Variants in SEMA4D observed in about 807,000 individuals in gnomAD.
SEMA4D encodes semaphorin 4D, also known as semaphorin-4D.
A neutral mutation model predicts 74.8 loss-of-function variants in SEMA4D; 22 were observed. The ratio of observed to expected loss-of-function variants is 0.29; its 90% CI spans 0.21 to 0.42. The LOEUF is 0.42. Ranked by LOEUF, SEMA4D falls within the 10% of genes least tolerant of loss-of-function variation. The pLI, the probability that SEMA4D is intolerant of heterozygous loss-of-function variation, is 1.00. For synonymous variants in SEMA4D, 445 were observed against 463.7 expected (o/e 0.96, Z 0.52); for missense variants, 937 against 1,118.4 (o/e 0.84, Z 2.31).
chr9:89,396,993 C>T (rs1841115308), intron 5 of SEMA4D, among the ~76,000 whole-genome samples, 158 bp from the exon 6 acceptor site: 1 of 152,242 alleles, frequency 6.6e-6, no homozygotes, highest in Non-Finnish European at 1.5e-5. Context: ...GCATTCTCAG[C>T]CTTGTCTTGT....
At chr9:89,456,383 A>G (rs969584290) in intron 1 of SEMA4D, among the ~76,000 whole-genome samples, 14 of 152,390 alleles carry the variant, frequency 9.2e-5, no homozygotes, top group African/African-American at 3.1e-4. Context: ...GTCAAGAAGG[A>G]CACTGTAGTA....
chr9:89,462,674 G>A (rs925482523), intron 1 of SEMA4D, among the ~76,000 whole-genome samples: 2 of 152,002 alleles, frequency 1.3e-5, no homozygotes, highest in African/African-American at 4.8e-5. Context: ...GCCAGATGCA[G>A]GGGCTCGTGC....
chr9:89,460,491 G>C (rs547645275), intron 1 of SEMA4D, among the ~76,000 whole-genome samples: 4 of 152,332 alleles, frequency 2.6e-5, no homozygotes, highest in African/African-American at 9.6e-5. Flanking sequence ...ACTGCTTACT[G>C]ATTACAAACA....
rs147239819 is a variant in SEMA4D, at chr9:89,452,496, G to A, written c.-244+3392C>T. On this transcript the variant is annotated intron_variant, in intron 2 of 15. Coordinates refer to ENST00000422704, the MANE Select transcript of SEMA4D (RefSeq NM_001371194.2). ...CCCAGCCTTTTCACTCTGTCGCCTA[G>A]GCTGGAGTGCAATGGTGCGATCTCA... is the stretch of plus-strand genomic sequence containing the variant. 4.5e-3 allele frequency among the ~76,000 whole-genome samples: 690 copies of A among 152,150 alleles called. 8 individuals are homozygous for A. Among genetic ancestry groups the A allele is most frequent in the Non-Finnish European group, 7.7e-3 (524 of 67,974 alleles).
Position 89,492,572 on chromosome 9 carries a change from C to A in SEMA4D, c.-310+5347G>T, listed in dbSNP as rs906545262. Among the ~76,000 whole-genome samples the A allele has an allele frequency of 1.3e-5, 2 of 152,144 alleles. No homozygotes were observed. Among genetic ancestry groups the A allele is most frequent in the Non-Finnish European group, 2.9e-5 (2 of 68,024 alleles). ...ACTCTCACCTGTACTATCTTGAGAG[C>A]CACACCATCCCTCTGAATCCTCACA... On this transcript the variant is annotated intron_variant, in intron 1 of 15. Coordinates refer to ENST00000422704, the MANE Select transcript of SEMA4D (RefSeq NM_001371194.2). This position sits in a 1 kb window ranked among gnomAD's most constrained non-coding sequence, Gnocchi z 4.3.
intron 6 of SEMA4D, among the ~76,000 whole-genome samples, chr9:89,395,026 G>T (rs775900373): frequency 1.3e-5 from 2 of 152,156 alleles, no homozygotes; most frequent in Non-Finnish European, 2.9e-5. Flanking sequence ...ACATGCACAG[G>T]CACACAGACA....
At chr9:89,390,277 T>C (rs1839535636) in intron 9 of SEMA4D, among the ~76,000 whole-genome samples, 1 of 152,118 alleles carries the variant, frequency 6.6e-6, no homozygotes, top group South Asian at 2.1e-4. Context: ...CCTCCCCATC[T>C]CAAGGGGCAC....
At chr9:89,480,778 CCT>C (rs1403476030) in intron 1 of SEMA4D, among the ~76,000 whole-genome samples, 5 of 152,358 alleles carry the variant, frequency 3.3e-5, no homozygotes, top group South Asian at 4.1e-4. Context: ...GCACACAGCC[CCT>C]GTTCCCGCTC....
Position 89,379,551 on chromosome 9 carries a change from T to A in SEMA4D, c.1742A>T (p.Asn581Ile). 6.2e-7 allele frequency: 1 copy of A among 1,614,158 alleles called. No homozygotes were observed. Among genetic ancestry groups the A allele is most frequent in the Non-Finnish European group, 8.5e-7 (1 of 1,180,026 alleles). ...GAACTTCCAAAAGACCCGGGCCAGGTTGGATTTTTGGGAGCATTTCAGTTC... is the reference window on the plus strand; with the variant it reads ...GAACTTCCAAAAGACCCGGGCCAGGATGGATTTTTGGGAGCATTTCAGTTC... ...TAELKCSQKS[N>I]LARVFWKFQN... Residue 581 changes from asparagine to isoleucine, a missense_variant, in exon 16 of 16, where the codon AAC becomes ATC. Transcript: ENST00000422704.
At chr9:89,364,048 G>A (rs1223789745) in intron 16 of SEMA4D, 12 of 1,605,420 alleles carry the variant, frequency 7.5e-6, no homozygotes, top group East Asian at 2.2e-5. Flanking sequence ...TGTCCCAGTT[G>A]GACCTGAAGT....
intron 2 of SEMA4D, among the ~76,000 whole-genome samples, chr9:89,426,680 A>C (rs1848195181): frequency 6.6e-6 from 1 of 152,162 alleles, no homozygotes; most frequent in South Asian, 2.1e-4. Context: ...CGCAGCCTCG[A>C]CCTGATCTAC....
intron 2 of SEMA4D, among the ~76,000 whole-genome samples, chr9:89,434,268 A>G (rs1849912656): frequency 6.6e-6 from 1 of 151,910 alleles, no homozygotes; most frequent in Admixed American, 6.6e-5. Context: ...TAGAGGAGGG[A>G]GGGGTCTCGG....
chr9:89,414,056 C>T (rs1232991907), intron 2 of SEMA4D, among the ~76,000 whole-genome samples: 4 of 152,194 alleles, frequency 2.6e-5, no homozygotes, highest in African/African-American at 9.7e-5. Context: ...TGTCCAGTCA[C>T]CCGTGTCTCG....
intron 2 of SEMA4D, chr9:89,450,731 G>A (rs11265899): frequency 3.1e-6 from 4 of 1,306,418 alleles, no homozygotes; most frequent in Non-Finnish European, 4.2e-6. Context: ...GGAAACATTA[G>A]AAGAAAATGA....
Position 89,377,981 on chromosome 9 carries a change from AG to A in SEMA4D, c.*722del, listed in dbSNP as rs1291879982. On this transcript the variant is annotated 3_prime_UTR_variant, in exon 16 of 16. Transcript: ENST00000422704. ...AAGGAATAAAGTTAAAAAAAAAAAA[AG>A]AAAAAGAAAAAAGGTGAGTGGGCTC... is the stretch of plus-strand genomic sequence containing the variant. 5 of 152,332 alleles carry A rather than the reference AG, an allele frequency of 3.3e-5. No homozygotes were observed. Among genetic ancestry groups the A allele is most frequent in the Non-Finnish European group, 1.5e-5 (1 of 68,012 alleles). 9.4% of individuals were successfully genotyped at this position (152,332 alleles called of 1,614,324 possible). A position where few individuals can be genotyped will look rare whatever the true frequency, so the allele number is the denominator to read the frequency against.
At chr9:89,459,546 T>A (rs1260162061) in intron 1 of SEMA4D, among the ~76,000 whole-genome samples, 1 of 152,130 alleles carries the variant, frequency 6.6e-6, no homozygotes, top group Admixed American at 6.5e-5. Flanking sequence ...GGGGGAGTCT[T>A]ATTAACATTC....
intron 2 of SEMA4D, among the ~76,000 whole-genome samples, chr9:89,433,376 C>T (rs1295293109): frequency 4.6e-5 from 7 of 152,046 alleles, no homozygotes; most frequent in Non-Finnish European, 8.8e-5. Flanking sequence ...TCAGCACTGA[C>T]GGAGTCCTTG....
At chr9:89,464,931 AGCTT>A (rs893094322) in intron 1 of SEMA4D, among the ~76,000 whole-genome samples, 27 of 152,334 alleles carry the variant, frequency 1.8e-4, no homozygotes, top group African/African-American at 6.3e-4. Context: ...AAATTATATT[AGCTT>A]GCTTGCTTTA....
At chr9:89,391,918 G>A (rs866305755) in intron 8 of SEMA4D, among the ~76,000 whole-genome samples, 12 of 152,332 alleles carry the variant, frequency 7.9e-5, no homozygotes, top group Middle Eastern at 3.4e-3. Flanking sequence ...TCTACTGGCT[G>A]GCACCCACAA....
Sources: allele counts gnomAD v4.1 joint callset (sites outside exome capture counted in the v4.1 genomes callset), GRCh38; gene constraint gnomAD v4.1.1; non-coding constraint Gnocchi (gnomAD v3.1); transcripts MANE v1.5; gene names NCBI Gene and HGNC (gene_info 2026-07-23, HGNC 2026-07-21).